The following UBE2E2 variants were observed in gnomAD, a reference collection of about 807,000 sequenced individuals.
UBE2E2 encodes the protein ubiquitin-conjugating enzyme E2 E2.
A neutral mutation model predicts 24.7 loss-of-function variants in UBE2E2; 6 were observed. The ratio of observed to expected loss-of-function variants is 0.24; its 90% CI spans 0.13 to 0.48. The LOEUF (loss-of-function observed/expected upper bound fraction) is 0.48. UBE2E2 is among the 20% of genes least tolerant of loss of function. The pLI, the probability that UBE2E2 is intolerant of heterozygous loss-of-function variation, is 0.99. For synonymous variants in UBE2E2, 104 were observed against 83.6 expected (o/e 1.24, Z -1.33); for missense variants, 169 against 245.0 (o/e 0.69, Z 2.07).
chr3:23,260,005 T>A (rs1303083426), intron 3 of UBE2E2, among the ~76,000 whole-genome samples: 1 of 152,266 alleles, frequency 6.6e-6, no homozygotes, highest in Non-Finnish European at 1.5e-5. Context: ...AATGTTGTTA[T>A]CCCTTTTATG....
intron 3 of UBE2E2, among the ~76,000 whole-genome samples, chr3:23,345,714 A>AT (rs993985613): frequency 1.3e-5 from 2 of 152,200 alleles, no homozygotes; most frequent in South Asian, 2.1e-4. Flanking sequence ...AGATAAATTG[A>AT]TTTTTTTAAT....
intron 5 of UBE2E2, among the ~76,000 whole-genome samples, chr3:23,539,361 G>A (rs1010380291): frequency 3.3e-5 from 5 of 152,098 alleles, no homozygotes; most frequent in African/African-American, 1.2e-4. Flanking sequence ...CCTTTGATAG[G>A]TTTGATTCTT....
At chr3:23,377,397 C>G (rs114404554) in intron 3 of UBE2E2, among the ~76,000 whole-genome samples, 214 of 152,324 alleles carry the variant, frequency 1.4e-3, no homozygotes, top group African/African-American at 4.9e-3. Flanking sequence ...ATGGTACTAA[C>G]TGGTGCCTGA....
chr3:23,383,959 TTATC>T (rs1345812064), intron 3 of UBE2E2, among the ~76,000 whole-genome samples: 4 of 152,134 alleles, frequency 2.6e-5, no homozygotes, highest in Non-Finnish European at 5.9e-5. Context: ...ACCTCACAAT[TTATC>T]TAAGCCCTTA....
chr3:23,468,977 T>A (rs1698978608), intron 3 of UBE2E2, among the ~76,000 whole-genome samples: 1 of 152,204 alleles, frequency 6.6e-6, no homozygotes, highest in South Asian at 2.1e-4. Context: ...AATGAGGGAC[T>A]TTAGTTAGCC....
At chr3:23,439,984 AAAAG>A (rs1698264641) in intron 3 of UBE2E2, among the ~76,000 whole-genome samples, 2 of 148,252 alleles carry the variant, frequency 1.3e-5, no homozygotes, top group Non-Finnish European at 3.0e-5. Flanking sequence ...TTAAAAAAAA[AAAAG>A]AGGCTGGGCA....
chr3:23,329,125 T>G (rs1489640601), intron 3 of UBE2E2, among the ~76,000 whole-genome samples: 4 of 152,222 alleles, frequency 2.6e-5, no homozygotes, highest in Admixed American at 6.5e-5. Flanking sequence ...CATTTTAGTG[T>G]TTAGTGAAAA....
intron 4 of UBE2E2, among the ~76,000 whole-genome samples, chr3:23,524,905 A>G (rs1276379728): frequency 7.3e-6 from 1 of 137,662 alleles, no homozygotes; most frequent in African/African-American, 2.9e-5. Context: ...TGTGCACTAT[A>G]TTAGTTTCCT....
intron 5 of UBE2E2, among the ~76,000 whole-genome samples, chr3:23,579,244 G>A (rs1160695668): frequency 1.3e-5 from 2 of 152,202 alleles, no homozygotes; most frequent in East Asian, 3.9e-4. Context: ...AATTAGCCAG[G>A]CATGATGGCA....
intron 3 of UBE2E2, among the ~76,000 whole-genome samples, chr3:23,429,654 A>G (rs1214494619): frequency 2.6e-5 from 4 of 152,208 alleles, no homozygotes; most frequent in Non-Finnish European, 4.4e-5. Flanking sequence ...ACAGCATTGT[A>G]CTAGAAGTCC....
intron 5 of UBE2E2, among the ~76,000 whole-genome samples, chr3:23,548,530 CACTT>C (rs1399826767): frequency 3.3e-5 from 5 of 152,194 alleles, no homozygotes; most frequent in African/African-American, 4.8e-5. Context: ...AGTGGACCAG[CACTT>C]ACTTACTTCT....
At chr3:23,521,128 T>TA (rs1481660247) in intron 4 of UBE2E2, among the ~76,000 whole-genome samples, 3 of 152,236 alleles carry the variant, frequency 2.0e-5, no homozygotes, top group Non-Finnish European at 2.9e-5. Context: ...ATAAAATGTA[T>TA]TACTCCTTTC....
At chr3:23,587,745 T>C (rs1409332251) in intron 5 of UBE2E2, among the ~76,000 whole-genome samples, 1 of 152,240 alleles carries the variant, frequency 6.6e-6, no homozygotes, top group Non-Finnish European at 1.5e-5. Flanking sequence ...ATTTTGTGTC[T>C]GTATTTGGTA....
intron 3 of UBE2E2, among the ~76,000 whole-genome samples, chr3:23,487,871 G>C (rs939938671): frequency 6.6e-5 from 10 of 152,062 alleles, no homozygotes; most frequent in African/African-American, 1.7e-4. Flanking sequence ...TTTGCTGTTA[G>C]TCTTCTGGTT....
chr3:23,418,850 G>A (rs1697719214), intron 3 of UBE2E2, among the ~76,000 whole-genome samples: 1 of 152,166 alleles, frequency 6.6e-6, no homozygotes, highest in African/African-American at 2.4e-5. Context: ...CTGTTACTTT[G>A]CAAGTGATAC....
intron 5 of UBE2E2, among the ~76,000 whole-genome samples, chr3:23,533,198 G>C (rs1047086648): frequency 6.6e-6 from 1 of 152,144 alleles, no homozygotes; most frequent in African/African-American, 2.4e-5. Context: ...TACCCCAAAA[G>C]TAAACAAGGA....
At chr3:23,371,737 T>C (rs1351437769) in intron 3 of UBE2E2, among the ~76,000 whole-genome samples, 1 of 152,150 alleles carries the variant, frequency 6.6e-6, no homozygotes, top group East Asian at 1.9e-4. Flanking sequence ...AGAGATAGTT[T>C]TGGGAGGCAG....
intron 3 of UBE2E2, among the ~76,000 whole-genome samples, chr3:23,272,318 A>G (rs1575522843): frequency 8.0e-6 from 1 of 125,660 alleles, no homozygotes; most frequent in Admixed American, 1.1e-4. Flanking sequence ...TGCCAAGCCC[A>G]CGCCCACCCA....
At chr3:23,293,336 T>C (rs1471926902) in intron 3 of UBE2E2, among the ~76,000 whole-genome samples, 1 of 152,214 alleles carries the variant, frequency 6.6e-6, no homozygotes, top group African/African-American at 2.4e-5. Flanking sequence ...GGTCCTTTCA[T>C]AGTGAACTTC....
Sources: gnomAD v4.1 joint callset for allele counts (sites outside exome capture counted in the v4.1 genomes callset) on GRCh38, gnomAD v4.1.1 for gene constraint, MANE v1.5 for transcripts, NCBI Gene and HGNC (gene_info 2026-07-23, HGNC 2026-07-21) for gene names.